CNOT9: variants seen among roughly 807,000 people sequenced by gnomAD.
The protein encoded by CNOT9 is RCD1 required for cell differentiation1 homolog.
CNOT9 carries 8 observed loss-of-function variants against 37.4 expected under a neutral mutation model. The observed-to-expected ratio is 0.21, with a 90% CI of 0.13 to 0.39. The LOEUF (loss-of-function observed/expected upper bound fraction) is 0.39. Among genes scored for constraint, CNOT9 ranks in the 10% least tolerant of loss-of-function variants. The pLI is 1.00. For missense variants in CNOT9, 154 were observed against 365.3 expected (o/e 0.42, Z 4.71); for synonymous variants, 120 against 137.6 (o/e 0.87, Z 0.90).
At chr2:218,574,578 A>G (rs765597895) in intron 1 of CNOT9, among the ~76,000 whole-genome samples, 6 of 152,222 alleles carry the variant, frequency 3.9e-5, no homozygotes, top group Non-Finnish European at 8.8e-5. Context: ...GTAGAGTTTC[A>G]GTCTCATTCT....
intron 4 of CNOT9, among the ~76,000 whole-genome samples, chr2:218,585,782 C>T (rs1452767859): frequency 1.3e-5 from 2 of 151,804 alleles, no homozygotes; most frequent in African/African-American, 4.8e-5. Context: ...GAACCATAGG[C>T]ACATGCCACC....
chr2:218,585,783 A>G (rs950243098), intron 4 of CNOT9, among the ~76,000 whole-genome samples: 1 of 151,808 alleles, frequency 6.6e-6, no homozygotes, highest in East Asian at 1.9e-4. Flanking sequence ...AACCATAGGC[A>G]CATGCCACCA....
chr2:218,592,545 T>C lies in CNOT9; in HGVS notation c.640-71T>C, dbSNP rs566826644. The C allele has an allele frequency of 2.8e-4, 432 of 1,532,400 alleles. 2 individuals carry two copies. Among genetic ancestry groups the C allele is most frequent in the Non-Finnish European group, 3.7e-4 (404 of 1,105,480 alleles). The allele number at this position is 1,532,400 out of a possible 1,614,324, so 94.9% of individuals were successfully genotyped here. A position where few individuals can be genotyped will look rare whatever the true frequency, so the allele number is the denominator to read the frequency against. On this transcript the variant is annotated intron_variant, in intron 6 of 7. Coordinates refer to ENST00000273064, the MANE Select transcript of CNOT9 (RefSeq NM_005444.3). This position sits in a 1 kb window ranked among gnomAD's most constrained non-coding sequence, Gnocchi z 4.1. ...TATGATTCTTGGACTATCTGATCTCTGATGTCAATTAGAATTTGTTTGTGT... is the reference window on the plus strand; with the variant it reads ...TATGATTCTTGGACTATCTGATCTCCGATGTCAATTAGAATTTGTTTGTGT...
intron 1 of CNOT9, among the ~76,000 whole-genome samples, chr2:218,579,609 C>G (rs13030236): frequency 0.057 from 8,634 of 152,026 alleles, 362 homozygotes; most frequent in East Asian, 0.12. Flanking sequence ...GCCTCAGCCT[C>G]CAGAGTAGCT....
chr2:218,582,629 G>A (rs1331072032), intron 2 of CNOT9, among the ~76,000 whole-genome samples: 2 of 152,084 alleles, frequency 1.3e-5, no homozygotes, highest in African/African-American at 2.4e-5. Flanking sequence ...GGCAGAGCTT[G>A]CAGTGAGTCA....
intron 1 of CNOT9, among the ~76,000 whole-genome samples, chr2:218,577,656 G>A (rs1694217631): frequency 1.3e-5 from 2 of 152,226 alleles, no homozygotes; most frequent in South Asian, 2.1e-4. Flanking sequence ...AATATGTAGG[G>A]ATGGGGCCTG....
chr2:218,579,343 T>A (rs1329859874), intron 1 of CNOT9, among the ~76,000 whole-genome samples: 2 of 152,268 alleles, frequency 1.3e-5, no homozygotes, highest in Non-Finnish European at 2.9e-5. Context: ...TTATATGCTC[T>A]TCTGTAACCC....
At chr2:218,593,416 TA>T in intron 7 of CNOT9, 2 of 602,936 alleles carry the variant, frequency 3.3e-6, no homozygotes, top group East Asian at 2.9e-5. Context: ...CACTAAAGTT[TA>T]AAAATGTGTT....
At chr2:218,593,120 C>G (rs1694834750) in intron 7 of CNOT9, 1 of 227,444 alleles carries the variant, frequency 4.4e-6, no homozygotes, top group African/African-American at 2.3e-5. Flanking sequence ...GTTTCTTGAG[C>G]TAATTATTTT....
intron 1 of CNOT9, among the ~76,000 whole-genome samples, chr2:218,577,697 G>A (rs2106083002): frequency 6.6e-6 from 1 of 152,300 alleles, no homozygotes; most frequent in Middle Eastern, 3.4e-3. Context: ...GCAAACCAGT[G>A]GTTACCAGGG....
intron 2 of CNOT9, among the ~76,000 whole-genome samples, chr2:218,581,454 G>T (rs1233519142): frequency 6.6e-6 from 1 of 151,780 alleles, no homozygotes; most frequent in Non-Finnish European, 1.5e-5. Flanking sequence ...ACAGGCATGA[G>T]CCACCATGCC....
At chr2:218,579,509 C>T (rs552114012) in intron 1 of CNOT9, among the ~76,000 whole-genome samples, 7 of 152,258 alleles carry the variant, frequency 4.6e-5, no homozygotes, top group Admixed American at 2.6e-4. Context: ...GTTTTTGAGA[C>T]GGAGTCTCAC....
chr2:218,578,401 AGTCTATTTTAT>A (rs1284249500), intron 1 of CNOT9, among the ~76,000 whole-genome samples: 1 of 152,228 alleles, frequency 6.6e-6, no homozygotes, highest in Non-Finnish European at 1.5e-5. Flanking sequence ...TCCACTTCAA[AGTCTATTTTAT>A]GCTTCTGATC....
chr2:218,588,983 ATCTG>A (rs1011113298), intron 5 of CNOT9, among the ~76,000 whole-genome samples: 4 of 151,814 alleles, frequency 2.6e-5, no homozygotes, highest in Non-Finnish European at 5.9e-5. Context: ...ATGCTCTATT[ATCTG>A]TCTTTCATAT....
In CNOT9 at chr2:218,592,281, T is replaced by G. The variant is rs1431340999; in HGVS notation, c.541-23T>G. On this transcript the variant is annotated intron_variant, in intron 5 of 7. Transcript: ENST00000273064. The surrounding 1 kb of genome is among the most constrained non-coding windows in gnomAD (Gnocchi z 4.1). The stretch of plus-strand genomic sequence containing the variant: ...ATTAAATCTGAGCAACTTTATAAAC[T>G]CTTCGATTTTGTTTTGCTTCAGGTT... The G allele has an allele frequency of 6.4e-7, 1 of 1,553,244 alleles. No homozygotes were observed. Among genetic ancestry groups the G allele is most frequent in the Non-Finnish European group, 8.9e-7 (1 of 1,127,144 alleles).
intron 5 of CNOT9, among the ~76,000 whole-genome samples, chr2:218,589,690 G>A (rs180883387): frequency 3.3e-5 from 5 of 152,102 alleles, no homozygotes; most frequent in African/African-American, 7.2e-5. Flanking sequence ...GGAATGCAGT[G>A]GCTATTCACA....
In CNOT9 at chr2:218,595,151, G is replaced by C. The variant is rs1694894182; in HGVS notation, c.*875G>C. On this transcript the variant is annotated 3_prime_UTR_variant, in exon 8 of 8. Coordinates refer to ENST00000273064, the MANE Select transcript of CNOT9 (RefSeq NM_005444.3). ...TGTCTTAATTAATCAGGCTGTCTTG[G>C]AAGGGTATTGTATTGGGAGACAAGG... 6.6e-6 allele frequency: 1 copy of C among 152,118 alleles called. No homozygotes were observed. 9.4% of individuals were successfully genotyped at this position (152,118 alleles called of 1,614,324 possible). A position where few individuals can be genotyped will look rare whatever the true frequency, so the allele number is the denominator to read the frequency against.
chr2:218,588,199 C>A (rs1268681386), intron 5 of CNOT9, among the ~76,000 whole-genome samples: 1 of 151,770 alleles, frequency 6.6e-6, no homozygotes, highest in Non-Finnish European at 1.5e-5. Flanking sequence ...CAGCCTAATT[C>A]TTTCCTTTTT....
intron 1 of CNOT9, among the ~76,000 whole-genome samples, chr2:218,572,005 T>C (rs1694013436): frequency 6.6e-6 from 1 of 152,094 alleles, no homozygotes. Context: ...CCACACAGGA[T>C]TATTCTAAAG....
Sources: allele counts gnomAD v4.1 joint callset (sites outside exome capture counted in the v4.1 genomes callset), GRCh38; gene constraint gnomAD v4.1.1; non-coding constraint Gnocchi (gnomAD v3.1); transcripts MANE v1.5; gene names NCBI Gene and HGNC (gene_info 2026-07-23, HGNC 2026-07-21).